AREL1: variants seen among roughly 807,000 people sequenced by gnomAD.
The protein encoded by AREL1 is apoptosis resistant E3 ubiquitin protein ligase 1.
AREL1 carries 62 observed loss-of-function variants against 99.0 expected under a neutral mutation model. The ratio of observed to expected loss-of-function variants is 0.63; its 90% CI spans 0.51 to 0.77. AREL1 has a LOEUF of 0.77. Ranked by LOEUF, AREL1 falls within the 30% of genes least tolerant of loss-of-function variation. The pLI, the probability that AREL1 is intolerant of heterozygous loss-of-function variation, is 0.00. For missense variants in AREL1, 879 were observed against 1,027.6 expected, an observed-to-expected ratio of 0.86 and a Z score of 1.98; for synonymous variants, 380 against 376.5, an observed-to-expected ratio of 1.01 and a Z score of -0.11.
intron 2 of AREL1, among the ~76,000 whole-genome samples, chr14:74,689,366 T>G: frequency 6.6e-6 from 1 of 152,102 alleles, no homozygotes; most frequent in East Asian, 1.9e-4. Context: ...CACTTTTACA[T>G]ACAGCTCTGA....
intron 2 of AREL1, among the ~76,000 whole-genome samples, chr14:74,689,383 C>T (rs1566694603): frequency 6.6e-6 from 1 of 151,856 alleles, no homozygotes; most frequent in Non-Finnish European, 1.5e-5. Flanking sequence ...CTGAAATGTC[C>T]CCTCTCCATT....
intron 1 of AREL1, among the ~76,000 whole-genome samples, chr14:74,706,057 C>G (rs1263143271): frequency 6.6e-6 from 1 of 152,174 alleles, no homozygotes; most frequent in Admixed American, 6.5e-5. Flanking sequence ...CTAGAAAATA[C>G]TAGCTTCAGT....
intron 1 of AREL1, among the ~76,000 whole-genome samples, chr14:74,696,373 A>C (rs2089979489): frequency 6.6e-6 from 1 of 152,188 alleles, no homozygotes; most frequent in African/African-American, 2.4e-5. Context: ...CCATACCCCA[A>C]TTAGGAATTT....
At position 74,671,509 on chromosome 14, in the gene AREL1, T is replaced by C; in HGVS notation, c.1423-26A>G. On this transcript the variant is annotated intron_variant, in intron 11 of 19. Transcript: ENST00000356357. Reference sequence around the variant, plus strand: ...CTGAAAAGAAGTGAAAGGAAGGGAATTGTCAGAACACTGGCTGGTGTCCTC... The same window carrying C: ...CTGAAAAGAAGTGAAAGGAAGGGAACTGTCAGAACACTGGCTGGTGTCCTC... 4 of 1,505,812 alleles carry C rather than the reference T, an allele frequency of 2.7e-6. No individual in the cohort carries two copies. In the South Asian group the frequency reaches 3.5e-5, roughly 13 times the overall value. The allele number at this position is 1,505,812 out of a possible 1,614,324, so 93.3% of individuals were successfully genotyped here. A position where few individuals can be genotyped will look rare whatever the true frequency, so the allele number is the denominator to read the frequency against.
chr14:74,708,196 C>A (rs536178655), intron 1 of AREL1, among the ~76,000 whole-genome samples: 1 of 152,160 alleles, frequency 6.6e-6, no homozygotes, highest in African/African-American at 2.4e-5. Flanking sequence ...ATACTCTGTA[C>A]TATCTTTGCA....
intron 1 of AREL1, among the ~76,000 whole-genome samples, chr14:74,709,593 G>C (rs1025753252): frequency 6.6e-6 from 1 of 152,152 alleles, no homozygotes; most frequent in Admixed American, 6.5e-5. Flanking sequence ...CTATCTCTGA[G>C]GTATTCTTAC....
At chr14:74,683,201 T>G in intron 5 of AREL1, 95 bp downstream of exon 5, 1 of 850,534 alleles carries the variant, frequency 1.2e-6, no homozygotes, top group East Asian at 2.6e-5. Context: ...GGGAATTAAA[T>G]CTCAATAAAG....
intron 1 of AREL1, among the ~76,000 whole-genome samples, chr14:74,706,143 G>GC (rs1189883409): frequency 6.6e-6 from 1 of 152,106 alleles, no homozygotes; most frequent in Non-Finnish European, 1.5e-5. Flanking sequence ...CAGAGGACAG[G>GC]CCCCCATGTT....
chr14:74,669,558 A>T (rs540505319), intron 15 of AREL1, 91 bp downstream of exon 15: 1 of 1,484,812 alleles, frequency 6.7e-7, no homozygotes, highest in East Asian at 2.3e-5. Context: ...AATATGGAAC[A>T]TTTCCACCAC....
intron 1 of AREL1, among the ~76,000 whole-genome samples, chr14:74,702,169 A>G (rs1270089045): frequency 6.6e-6 from 1 of 152,140 alleles, no homozygotes; most frequent in Non-Finnish European, 1.5e-5. Context: ...TCACAGCTCC[A>G]CTAGACAGTG....
chr14:74,708,084 A>C (rs1448295144), intron 1 of AREL1, among the ~76,000 whole-genome samples: 3 of 152,216 alleles, frequency 2.0e-5, no homozygotes, highest in Non-Finnish European at 4.4e-5. Flanking sequence ...TCTATAGTTT[A>C]GTAATAGTAT....
At position 74,662,295 on chromosome 14, in the gene AREL1, A is replaced by G. The variant is rs1322546609; in HGVS notation, c.*1425T>C. On this transcript the variant is annotated 3_prime_UTR_variant, in exon 20 of 20. Coordinates refer to ENST00000356357, the MANE Select transcript of AREL1 (RefSeq NM_001039479.2). ...CTTCCAGGAGGCCAAGGCATTGCCA[A>G]AGTCCTGCCTTGTTTCAGGACTCTG... 3.1e-6 allele frequency: 1 copy of G among 317,690 alleles called. No individual in the cohort carries two copies. Among genetic ancestry groups the G allele is most frequent in the Non-Finnish European group, 5.7e-6 (1 of 174,974 alleles). The allele number at this position is 317,690 out of a possible 1,614,324, so 19.7% of individuals were successfully genotyped here.
Position 74,664,859 on chromosome 14 carries a change from C to T in AREL1, c.2170G>A (p.Gly724Ser). ...ACCTTTTCTCTGAAATGCCATGAGC[C>T]ACCAACAACTACTGCATGGGCTTTG... ...DFKAHAVVVGGSWHFREKVMR... is the reference protein window; with the variant it reads ...DFKAHAVVVGSSWHFREKVMR... The change falls in exon 18 of 20, where the codon GGC becomes AGC. Residue 724 changes from glycine (G) to serine (S), a missense_variant. By Grantham distance (56) the Gly-to-Ser change is moderately conservative. Coordinates refer to ENST00000356357, the MANE Select transcript of AREL1 (RefSeq NM_001039479.2). 3.1e-6 allele frequency: 5 copies of T among 1,613,746 alleles called. No homozygotes were observed. Among genetic ancestry groups the T allele is most frequent in the Non-Finnish European group, 4.2e-6 (5 of 1,179,754 alleles).
At chr14:74,694,806 G>A (rs1225389014) in intron 1 of AREL1, among the ~76,000 whole-genome samples, 1 of 151,882 alleles carries the variant, frequency 6.6e-6, no homozygotes, top group East Asian at 1.9e-4. Flanking sequence ...TGGCTAACAC[G>A]GTGAAATCCC....
intron 14 of AREL1, 53 bp downstream of exon 14, chr14:74,669,894 T>G: frequency 6.3e-7 from 1 of 1,580,738 alleles, no homozygotes; most frequent in East Asian, 2.2e-5. Context: ...GAGGAGAGAT[T>G]TCAGGGTTAA....
rs1164205320 is a variant in AREL1, at chr14:74,662,885, A to G, written c.*835T>C. ...GGGAAGTCAGTGGCCCAAGCCGGCCATACTTCAGTGCCAATAACAAACTCA... is the reference window on the plus strand; with the variant it reads ...GGGAAGTCAGTGGCCCAAGCCGGCCGTACTTCAGTGCCAATAACAAACTCA... On this transcript the variant is annotated 3_prime_UTR_variant, in exon 20 of 20. Transcript: ENST00000356357. The G allele has an allele frequency of 3.0e-6, 1 of 334,338 alleles. No homozygotes were observed. The highest frequency in any genetic ancestry group is 5.4e-6 in the Non-Finnish European group (1 of 185,424). 20.7% of individuals were successfully genotyped at this position (334,338 alleles called of 1,614,324 possible).
At chr14:74,664,118 G>T in intron 18 of AREL1, 44 bp from the exon 19 acceptor site, 1 of 1,583,816 alleles carries the variant, frequency 6.3e-7, no homozygotes, top group East Asian at 2.3e-5. Flanking sequence ...CAGTAAACAA[G>T]CTAGGATTAG....
chr14:74,691,354 C>T (rs1048892107), intron 2 of AREL1, among the ~76,000 whole-genome samples: 5 of 131,638 alleles, frequency 3.8e-5, no homozygotes, highest in African/African-American at 5.6e-5. Flanking sequence ...AAAAAGCCTA[C>T]GTCTAACTCC....
rs1050446804 is a variant in AREL1, at chr14:74,663,928, G to A, written c.2340C>T (p.Thr780=). Residue 780 remains threonine (T), a synonymous_variant, in exon 19 of 20, where the codon ACC becomes ACT. Transcript: ENST00000356357. The part of the protein sequence containing the change: ...CPSFQIIAAP[T]HSTLPTAHTC... ...TGTGTGCAGTAGGCAGCGTGCTATG[G>A]GTCGGAGCGGCAATAATCTGAAATG... is the stretch of plus-strand genomic sequence containing the variant. 2.5e-6 allele frequency: 4 copies of A among 1,614,078 alleles called. No individual in the cohort carries two copies. The African/African-American group carries it at 5.3e-5, about 22-fold the overall frequency.
Sources: gnomAD v4.1 joint callset for allele counts (sites outside exome capture counted in the v4.1 genomes callset) on GRCh38, gnomAD v4.1.1 for gene constraint, MANE v1.5 for transcripts, NCBI Gene and HGNC (gene_info 2026-07-23, HGNC 2026-07-21) for gene names.